THADA: variants seen among roughly 807,000 people sequenced by gnomAD.
THADA encodes the protein tRNA (32-2'-O)-methyltransferase regulator THADA.
THADA carries 213 observed loss-of-function variants against 219.8 expected under a neutral mutation model. The ratio of observed to expected loss-of-function variants is 0.97; its 90% confidence interval spans 0.87 to 1.09. The LOEUF is 1.09. Among genes scored for constraint, THADA ranks in the 50% least tolerant of loss-of-function variants. The pLI is 0.00. For missense variants in THADA, 2,956 were observed against 2,311.3 expected, an observed-to-expected ratio of 1.28 and a Z score of -5.72; for synonymous variants, 1,018 against 828.9, an observed-to-expected ratio of 1.23 and a Z score of -3.92.
In THADA at chr2:43,560,215, A is replaced by G. The variant is rs375660888; in HGVS notation, c.2463+19T>C. On this transcript the variant is annotated intron_variant, in intron 16 of 37. Coordinates refer to ENST00000405975, the MANE Select transcript of THADA (RefSeq NM_022065.5). The stretch of plus-strand genomic sequence containing the variant: ...GTTTCCATGCATATACCACATTTAT[A>G]CTAGAAAAGTCCTGATACCTGAAAA... 1.8e-5 allele frequency: 29 copies of G among 1,602,510 alleles called. No homozygotes were observed. Among genetic ancestry groups the G allele is most frequent in the Non-Finnish European group, 2.4e-5 (28 of 1,174,882 alleles).
intron 26 of THADA, among the ~76,000 whole-genome samples, chr2:43,461,195 G>T (rs1377441057): frequency 6.6e-6 from 1 of 152,136 alleles, no homozygotes; most frequent in East Asian, 1.9e-4. Flanking sequence ...CTGTGTCTGG[G>T]TCTGTGCTGA....
chr2:43,313,606 A>G (rs536722826), intron 31 of THADA, among the ~76,000 whole-genome samples: 43 of 152,340 alleles, frequency 2.8e-4, no homozygotes, highest in African/African-American at 1.0e-3. Context: ...TCTTTCTAAT[A>G]ACACGCTCCA....
intron 29 of THADA, among the ~76,000 whole-genome samples, chr2:43,375,303 T>G (rs1671244578): frequency 6.6e-6 from 1 of 152,184 alleles, no homozygotes; most frequent in Non-Finnish European, 1.5e-5. Context: ...AAAACTTCTT[T>G]CTATTATATC....
chr2:43,548,710 AG>A (rs1174598872), intron 20 of THADA, among the ~76,000 whole-genome samples: 1 of 151,824 alleles, frequency 6.6e-6, no homozygotes, highest in East Asian at 1.9e-4. Context: ...CTGTTTTTTA[AG>A]CCCGTCGGAA....
At chr2:43,252,172 A>T (rs554782374) in intron 36 of THADA, among the ~76,000 whole-genome samples, 1 of 152,234 alleles carries the variant, frequency 6.6e-6, no homozygotes, top group Non-Finnish European at 1.5e-5. Flanking sequence ...CCACATCCAT[A>T]AAGATGTCCC....
chr2:43,283,693 G>C (rs1212516186), intron 35 of THADA, among the ~76,000 whole-genome samples: 1 of 152,188 alleles, frequency 6.6e-6, no homozygotes, highest in Non-Finnish European at 1.5e-5. Flanking sequence ...TTTGTAAGCA[G>C]CAAAGCATTC....
intron 16 of THADA, among the ~76,000 whole-genome samples, chr2:43,558,897 A>C (rs919248176): frequency 4.6e-5 from 7 of 152,112 alleles, no homozygotes; most frequent in Admixed American, 4.6e-4. Flanking sequence ...CCTATAGCAA[A>C]CCACATGTGG....
chr2:43,256,848 G>C (rs1670368371), intron 36 of THADA, among the ~76,000 whole-genome samples: 1 of 152,046 alleles, frequency 6.6e-6, no homozygotes, highest in African/African-American at 2.4e-5. Context: ...CAAAATGCTG[G>C]GATTATAGGT....
intron 3 of THADA, among the ~76,000 whole-genome samples, chr2:43,591,301 G>C (rs1034818372): frequency 2.0e-5 from 3 of 152,100 alleles, no homozygotes; most frequent in African/African-American, 7.2e-5. Context: ...CTCCAGCCTG[G>C]GTAAGAGAGT....
rs72790931 is a variant in THADA, at chr2:43,440,397, A to G, written c.3837-10095T>C. Among the ~76,000 whole-genome samples, 448 of 152,302 alleles carry G rather than the reference A, an allele frequency of 2.9e-3. 1 individual carries two copies. The highest frequency in any genetic ancestry group is 7.3e-3 in the South Asian group (35 of 4,822). Reference sequence around the variant, plus strand: ...TGCAGCTACAAATGATTATATGTACATTTCCTTGTTAATAAATTACAAACT... The same window carrying G: ...TGCAGCTACAAATGATTATATGTACGTTTCCTTGTTAATAAATTACAAACT... On this transcript the variant is annotated intron_variant, in intron 26 of 37. Coordinates refer to ENST00000405975, the MANE Select transcript of THADA (RefSeq NM_022065.5).
chr2:43,442,419 G>A (rs980938193), intron 26 of THADA, among the ~76,000 whole-genome samples: 2 of 152,098 alleles, frequency 1.3e-5, no homozygotes, highest in African/African-American at 2.4e-5. Context: ...CTGGGTGAGC[G>A]ACAGAGGGAG....
At chr2:43,303,109 T>C (rs541494839) in intron 31 of THADA, among the ~76,000 whole-genome samples, 1 of 152,190 alleles carries the variant, frequency 6.6e-6, no homozygotes, top group Non-Finnish European at 1.5e-5. Flanking sequence ...TTGGATGGCA[T>C]AACTATTAGG....
At chr2:43,409,358 T>C (rs932516691) in intron 28 of THADA, among the ~76,000 whole-genome samples, 2 of 152,158 alleles carry the variant, frequency 1.3e-5, no homozygotes, top group African/African-American at 2.4e-5. Context: ...AAATTGCTTT[T>C]TTTTTTTGGC....
intron 36 of THADA, among the ~76,000 whole-genome samples, chr2:43,275,077 A>C (rs1558502262): frequency 7.2e-6 from 1 of 139,714 alleles, no homozygotes; most frequent in Non-Finnish European, 1.5e-5. Context: ...TCACTGCATT[A>C]CTGCGAAAAT....
intron 36 of THADA, among the ~76,000 whole-genome samples, chr2:43,248,156 T>TAGAGAGAGAGAGAGAGAGAG (rs1669386804): frequency 1.3e-5 from 1 of 76,068 alleles, no homozygotes; most frequent in Non-Finnish European, 2.4e-5. Context: ...TATATATATA[T>TAGAGAGAGAGAGAGAGAGAG]ATATATATAG....
At chr2:43,396,782 G>A (rs190333277) in intron 29 of THADA, among the ~76,000 whole-genome samples, 2 of 152,026 alleles carry the variant, frequency 1.3e-5, no homozygotes, top group East Asian at 1.9e-4. Context: ...CTGCACTCCT[G>A]CCTGGGAAAC....
intron 29 of THADA, among the ~76,000 whole-genome samples, chr2:43,359,219 C>G (rs1431222631): frequency 6.6e-6 from 1 of 152,182 alleles, no homozygotes; most frequent in Non-Finnish European, 1.5e-5. Flanking sequence ...TGTGTAATAA[C>G]CAAAGTCATA....
chr2:43,253,548 T>A (rs1048890838), intron 36 of THADA, among the ~76,000 whole-genome samples: 3 of 152,162 alleles, frequency 2.0e-5, no homozygotes, highest in African/African-American at 7.2e-5. Context: ...GCCCTCTTGA[T>A]AGTTTTTCCT....
chr2:43,431,642 C>T (rs12995977), intron 26 of THADA, among the ~76,000 whole-genome samples: 1,102 of 11,106 alleles, frequency 0.099, no homozygotes, highest in Middle Eastern at 0.3. Context: ...ATTTTTTGTA[C>T]TTTTTTTTTT....
Sources: allele counts gnomAD v4.1 joint callset (sites outside exome capture counted in the v4.1 genomes callset), GRCh38; gene constraint gnomAD v4.1.1; transcripts MANE v1.5; gene names NCBI Gene and HGNC (gene_info 2026-07-23, HGNC 2026-07-21).